SAMTOR: variants seen among roughly 807,000 people sequenced by gnomAD.
SAMTOR encodes UPF0532 protein C7orf60.
the SAMTOR span, among the ~76,000 whole-genome samples, chr7:112,921,327 A>G: frequency 6.6e-6 from 1 of 152,096 alleles, no homozygotes; most frequent in African/African-American, 2.4e-5. Flanking sequence ...GACAAACCTG[A>G]CAAAAACAAG....
the SAMTOR span, chr7:112,895,621 G>A: frequency 6.3e-7 from 1 of 1,583,134 alleles, no homozygotes; most frequent in Non-Finnish European, 8.6e-7. Flanking sequence ...TGACCTTCAA[G>A]TTGAGAAGAC....
the SAMTOR span, among the ~76,000 whole-genome samples, chr7:112,913,242 C>A: frequency 6.6e-6 from 1 of 152,182 alleles, no homozygotes; most frequent in Admixed American, 6.5e-5. Context: ...TTCTTTGACT[C>A]CACAATCCAC....
the SAMTOR span, among the ~76,000 whole-genome samples, chr7:112,865,090 T>C: frequency 6.6e-6 from 1 of 152,146 alleles, no homozygotes; most frequent in Non-Finnish European, 1.5e-5. Flanking sequence ...CTTCCACCTG[T>C]AGTTCACATT....
chr7:112,902,429 C>CAAAAAAAAAAAAAA, the SAMTOR span, among the ~76,000 whole-genome samples: 2 of 58,574 alleles, frequency 3.4e-5, no homozygotes, highest in African/African-American at 1.5e-4. Context: ...AAAAAAAAAA[C>CAAAAAAAAAAAAAA]AAAAAAAAAC....
the SAMTOR span, among the ~76,000 whole-genome samples, chr7:112,843,468 A>C: frequency 6.6e-6 from 1 of 152,012 alleles, no homozygotes; most frequent in Non-Finnish European, 1.5e-5. Flanking sequence ...AAAGTCATAG[A>C]TACTAGTTTT....
chr7:112,938,043 T>C, the SAMTOR span, among the ~76,000 whole-genome samples: 1 of 152,130 alleles, frequency 6.6e-6, no homozygotes, highest in Non-Finnish European at 1.5e-5. Context: ...TTTAGAAAGA[T>C]GCACTTAAAT....
At chr7:112,911,968 C>A in the SAMTOR span, among the ~76,000 whole-genome samples, 1 of 151,446 alleles carries the variant, frequency 6.6e-6, no homozygotes, top group Non-Finnish European at 1.5e-5. Context: ...AACAAAAAAA[C>A]CAAGAACCTA....
the SAMTOR span, among the ~76,000 whole-genome samples, chr7:112,891,348 A>C: frequency 5.9e-5 from 9 of 152,192 alleles, no homozygotes; most frequent in African/African-American, 1.2e-4. Flanking sequence ...TTTAAACGTA[A>C]TTGCTTAAAA....
chr7:112,849,611 C>T, the SAMTOR span, among the ~76,000 whole-genome samples: 1 of 152,164 alleles, frequency 6.6e-6, no homozygotes, highest in Non-Finnish European at 1.5e-5. Context: ...CTCGACTGCT[C>T]TGGCTAGGAC....
chr7:112,908,506 T>C, the SAMTOR span, among the ~76,000 whole-genome samples: 1 of 152,138 alleles, frequency 6.6e-6, no homozygotes, highest in African/African-American at 2.4e-5. Flanking sequence ...TTATAACAAA[T>C]CTTACTATAC....
the SAMTOR span, among the ~76,000 whole-genome samples, chr7:112,841,050 C>G: frequency 6.6e-6 from 1 of 151,942 alleles, no homozygotes; most frequent in African/African-American, 2.4e-5. Flanking sequence ...TCTCACGACT[C>G]CTATTCAACA....
the SAMTOR span, among the ~76,000 whole-genome samples, chr7:112,870,249 C>T: frequency 3.9e-5 from 6 of 152,108 alleles, no homozygotes; most frequent in Non-Finnish European, 7.4e-5. Context: ...CACATAGTCA[C>T]TAGACTATCC....
chr7:112,894,903 A>G, the SAMTOR span, among the ~76,000 whole-genome samples: 3 of 152,318 alleles, frequency 2.0e-5, no homozygotes, highest in African/African-American at 7.2e-5. Flanking sequence ...AAAAAATGTA[A>G]TATCTGTGAA....
At chr7:112,864,209 G>A in the SAMTOR span, among the ~76,000 whole-genome samples, 1 of 152,136 alleles carries the variant, frequency 6.6e-6, no homozygotes, top group Non-Finnish European at 1.5e-5. Context: ...CATGGACACA[G>A]AGGGGGACAA....
chr7:112,910,971 G>T, the SAMTOR span, among the ~76,000 whole-genome samples: 3 of 152,150 alleles, frequency 2.0e-5, no homozygotes, highest in South Asian at 2.1e-4. Context: ...TTACAGACAA[G>T]CACAAGTCCT....
the SAMTOR span, among the ~76,000 whole-genome samples, chr7:112,926,028 T>C: frequency 6.6e-6 from 1 of 152,208 alleles, no homozygotes; most frequent in Non-Finnish European, 1.5e-5. Flanking sequence ...TATCTCTAAG[T>C]TCTTATCCCC....
chr7:112,928,420 C>T, the SAMTOR span, among the ~76,000 whole-genome samples: 8 of 152,002 alleles, frequency 5.3e-5, no homozygotes, highest in African/African-American at 1.4e-4. Flanking sequence ...GCCATCCTTA[C>T]GGTACTTTGT....
the SAMTOR span, among the ~76,000 whole-genome samples, chr7:112,834,184 TAAG>T: frequency 2.0e-5 from 3 of 152,188 alleles, no homozygotes. Flanking sequence ...AAAGATCACT[TAAG>T]GAGAATTAAC....
At chr7:112,856,235 T>C in the SAMTOR span, among the ~76,000 whole-genome samples, 8 of 151,978 alleles carry the variant, frequency 5.3e-5, no homozygotes, top group African/African-American at 1.9e-4. Flanking sequence ...AGTGTATTAT[T>C]TTTATTTACT....
Sources: gnomAD v4.1 joint callset for allele counts (sites outside exome capture counted in the v4.1 genomes callset) on GRCh38, gnomAD v4.1.1 for gene constraint, MANE v1.5 for transcripts, NCBI Gene and HGNC (gene_info 2026-07-23, HGNC 2026-07-21) for gene names.